Variants in FOXP1 observed in about 807,000 individuals in gnomAD.
The protein encoded by FOXP1 is forkhead box P1.
FOXP1 carries 15 observed loss-of-function variants against 98.2 expected under a neutral mutation model. The observed-to-expected ratio is 0.15, with a 90% confidence interval of 0.10 to 0.24. FOXP1 has a LOEUF of 0.24. FOXP1 is among the 10% of genes least tolerant of loss of function. FOXP1 has a pLI of 1.00. For missense variants in FOXP1, 633 were observed against 848.5 expected (o/e 0.75, Z 3.15); for synonymous variants, 371 against 314.5 (o/e 1.18, Z -1.90).
chr3:71,212,129 G>A (rs2064519439), intron 5 of FOXP1, among the ~76,000 whole-genome samples: 1 of 152,118 alleles, frequency 6.6e-6, no homozygotes, highest in Admixed American at 6.5e-5. Context: ...ACCAAATTGA[G>A]ACTTTCTCCT....
At chr3:71,209,031 ACTC>A (rs1361595850) in intron 5 of FOXP1, among the ~76,000 whole-genome samples, 2 of 152,268 alleles carry the variant, frequency 1.3e-5, no homozygotes, top group African/African-American at 4.8e-5. Flanking sequence ...ACATCACATT[ACTC>A]ACCATCATAT....
chr3:71,208,293 T>A (rs1467413010), intron 5 of FOXP1, among the ~76,000 whole-genome samples: 1 of 152,188 alleles, frequency 6.6e-6, no homozygotes, highest in African/African-American at 2.4e-5. Context: ...TTTCTAGCCA[T>A]CTGATGCTCT....
chr3:71,396,962 ATGTGTGTATATATATATATGTG>A (rs2081451603), intron 3 of FOXP1, among the ~76,000 whole-genome samples: 1 of 24,746 alleles, frequency 4.0e-5, no homozygotes, highest in African/African-American at 1.6e-4. Context: ...ATATATATAT[ATGTGTGTATATATATATATGTG>A]TATATATATA....
chr3:71,017,991 T>A (rs965092952), intron 11 of FOXP1, among the ~76,000 whole-genome samples: 1 of 152,152 alleles, frequency 6.6e-6, no homozygotes, highest in African/African-American at 2.4e-5. Flanking sequence ...CTAGTTAGGA[T>A]GAAAAATTAA....
chr3:71,485,831 T>C (rs968232481), intron 3 of FOXP1, among the ~76,000 whole-genome samples: 3 of 151,280 alleles, frequency 2.0e-5, no homozygotes, highest in Admixed American at 2.0e-4. Context: ...GGCATGACTC[T>C]GGGGAGATTT....
intron 7 of FOXP1, among the ~76,000 whole-genome samples, chr3:71,077,621 C>T (rs2107491897): frequency 1.3e-5 from 2 of 152,324 alleles, no homozygotes; most frequent in African/African-American, 4.8e-5. Flanking sequence ...CATTCACTCT[C>T]TGTGCTAGTC....
intron 3 of FOXP1, among the ~76,000 whole-genome samples, chr3:71,487,659 C>T (rs2090756358): frequency 6.6e-6 from 1 of 152,192 alleles, no homozygotes; most frequent in Admixed American, 6.5e-5. Flanking sequence ...GAAAGTGTGT[C>T]AAGAATGTTT....
chr3:70,972,185 G>C (rs2036407680), intron 18 of FOXP1: 2 of 1,519,438 alleles, frequency 1.3e-6, no homozygotes. Flanking sequence ...GGCACCCTGG[G>C]ATAGGAGCAG....
At chr3:71,227,292 G>A (rs896270959) in intron 5 of FOXP1, among the ~76,000 whole-genome samples, 6 of 152,038 alleles carry the variant, frequency 3.9e-5, no homozygotes, top group Admixed American at 1.3e-4. Context: ...TGAAGACCAC[G>A]ACCACAGGGC....
intron 3 of FOXP1, among the ~76,000 whole-genome samples, chr3:71,382,450 C>T (rs1239792309): frequency 6.6e-6 from 1 of 152,124 alleles, no homozygotes; most frequent in Non-Finnish European, 1.5e-5. Flanking sequence ...AAACACATGG[C>T]CTAAAACATG....
intron 7 of FOXP1, chr3:71,064,837 T>C (rs1429933570): frequency 1.0e-6 from 1 of 983,104 alleles, no homozygotes; most frequent in Non-Finnish European, 1.2e-6. Context: ...ACACTCTCCA[T>C]GTAGCCGCCA....
At chr3:71,426,184 TC>T (rs1268591904) in intron 3 of FOXP1, among the ~76,000 whole-genome samples, 1 of 152,184 alleles carries the variant, frequency 6.6e-6, no homozygotes, top group Non-Finnish European at 1.5e-5. Flanking sequence ...ATTGAAAAGA[TC>T]CTATGAACAT....
At chr3:71,074,937 G>GAGAC (rs944634619) in intron 7 of FOXP1, among the ~76,000 whole-genome samples, 16 of 152,310 alleles carry the variant, frequency 1.1e-4, no homozygotes, top group African/African-American at 3.1e-4. Context: ...GCTGGAAAGA[G>GAGAC]AGACAGACAG....
chr3:71,162,168 T>G (rs2108148144), intron 6 of FOXP1, among the ~76,000 whole-genome samples: 1 of 152,342 alleles, frequency 6.6e-6, no homozygotes, highest in South Asian at 2.1e-4. Flanking sequence ...CACTTACAAT[T>G]TTTTAAAATT....
intron 3 of FOXP1, among the ~76,000 whole-genome samples, chr3:71,409,551 C>T (rs1050094156): frequency 6.3e-4 from 87 of 137,582 alleles, no homozygotes; most frequent in Non-Finnish European, 1.2e-3. Flanking sequence ...CCTATCTTTT[C>T]GGAATGAAGA....
Position 71,000,794 on chromosome 3 carries a change from A to AAAAATAAAATAAAATAAAAT in FOXP1, c.1062+158_1062+177dup, listed in dbSNP as rs59993750. 0.014 allele frequency among the ~76,000 whole-genome samples: 1,748 copies of AAAAATAAAATAAAATAAAAT among 122,134 alleles called. 62 individuals are homozygous for AAAAATAAAATAAAATAAAAT. The highest frequency in any genetic ancestry group is 0.047 in the African/African-American group (1,400 of 29,836). The allele number at this position is 122,134 out of a possible 152,430, so 80.1% of individuals were successfully genotyped here. A position where few individuals can be genotyped will look rare whatever the true frequency, so the allele number is the denominator to read the frequency against. On this transcript the variant is annotated intron_variant, in intron 13 of 20. Transcript: ENST00000649528. ...GGGGCTGAACCTGCCCAAAGAGGTA[A>AAAAATAAAATAAAATAAAAT]AAAATAAAATAAAATAAAATAAAAT...
At chr3:71,123,940 G>A (rs952906633) in intron 6 of FOXP1, among the ~76,000 whole-genome samples, 2 of 152,042 alleles carry the variant, frequency 1.3e-5, no homozygotes, top group African/African-American at 4.8e-5. Flanking sequence ...TTTTCACAAT[G>A]CTTTGAGGTA....
chr3:71,334,700 T>C (rs914315330), intron 4 of FOXP1: 1 of 152,142 alleles, frequency 6.6e-6, no homozygotes, highest in Non-Finnish European at 1.5e-5. Context: ...TCAGTAAAGA[T>C]TGTGGTTTAA....
intron 6 of FOXP1, among the ~76,000 whole-genome samples, chr3:71,179,874 C>A (rs1325758611): frequency 6.6e-6 from 1 of 152,136 alleles, no homozygotes; most frequent in Admixed American, 6.5e-5. Flanking sequence ...ATTAATTGTG[C>A]CGTTGAAAAT....
Sources: allele counts gnomAD v4.1 joint callset (sites outside exome capture counted in the v4.1 genomes callset), GRCh38; gene constraint gnomAD v4.1.1; transcripts MANE v1.5; gene names NCBI Gene and HGNC (gene_info 2026-07-23, HGNC 2026-07-21).